CNKSR2: variants seen among roughly 807,000 people sequenced by gnomAD.
The protein encoded by CNKSR2 is connector enhancer of kinase suppressor of Ras 2.
A neutral mutation model predicts 84.4 loss-of-function variants in CNKSR2; 14 were observed. That is an observed-to-expected ratio of 0.17 (90% CI 0.11 to 0.26). The LOEUF (loss-of-function observed/expected upper bound fraction) is 0.26. Among genes scored for constraint, CNKSR2 ranks in the 10% least tolerant of loss-of-function variants. CNKSR2 has a pLI of 1.00. For missense variants in CNKSR2, 485 were observed against 771.2 expected (o/e 0.63, Z 4.40); for synonymous variants, 275 against 277.9 (o/e 0.99, Z 0.10).
chrX:21,458,406 G>A (rs185522376), intron 4 of CNKSR2, among the ~76,000 whole-genome samples: 1 of 112,153 alleles, frequency 8.9e-6, no homozygotes, highest in Admixed American at 9.4e-5. Flanking sequence ...GTTGTCATCT[G>A]TCAGTAGTTA....
At chrX:21,383,012 A>G (rs1193775336) in intron 1 of CNKSR2, among the ~76,000 whole-genome samples, 4 of 111,850 alleles carry the variant, frequency 3.6e-5, no homozygotes, top group Non-Finnish European at 5.7e-5. Context: ...TTTTTCTAAT[A>G]AAGCCTGCCT....
At chrX:21,441,471 A>G (rs1275592342) in intron 4 of CNKSR2, 3 of 111,398 alleles carry the variant, frequency 2.7e-5, no homozygotes, top group East Asian at 5.6e-4. Context: ...ACTTTTCTCT[A>G]TTTTCCAAAT....
At chrX:21,493,684 A>G (rs1328738137) in intron 6 of CNKSR2, 2 of 111,763 alleles carry the variant, frequency 1.8e-5, no homozygotes, top group African/African-American at 3.2e-5. Flanking sequence ...GAGGTGAACA[A>G]TGAATCAGAT....
At chrX:21,589,418 A>C (rs1240927421) in intron 13 of CNKSR2, among the ~76,000 whole-genome samples, 1 of 112,301 alleles carries the variant, frequency 8.9e-6, no homozygotes, top group Non-Finnish European at 1.9e-5. Flanking sequence ...AGCAAAATCC[A>C]GTTGCCCCTT....
chrX:21,453,324 T>C (rs765812296), intron 4 of CNKSR2, among the ~76,000 whole-genome samples: 9 of 111,916 alleles, frequency 8.0e-5, no homozygotes, highest in Non-Finnish European at 1.5e-4. Flanking sequence ...CAATATATTT[T>C]ACTTCTCAAT....
chrX:21,557,115 G>T (rs1359219364), intron 11 of CNKSR2, among the ~76,000 whole-genome samples: 1 of 110,601 alleles, frequency 9.0e-6, no homozygotes, highest in African/African-American at 3.3e-5. Flanking sequence ...AGAGTGAGCA[G>T]TTAACTCTGC....
At chrX:21,473,752 T>G (rs1204443166) in intron 5 of CNKSR2, among the ~76,000 whole-genome samples, 1 of 87,994 alleles carries the variant, frequency 1.1e-5, no homozygotes, top group Non-Finnish European at 2.1e-5. Flanking sequence ...TTGGTTTTTT[T>G]TTTTTTTTTT....
intron 20 of CNKSR2, chrX:21,642,265 C>T (rs1176693232): frequency 1.6e-5 from 12 of 750,639 alleles, no homozygotes; most frequent in African/African-American, 2.3e-5. Flanking sequence ...TTTCTCATGC[C>T]AGGCTTTATT....
chrX:21,375,455 G>A (rs2089796650), intron 1 of CNKSR2, among the ~76,000 whole-genome samples: 1 of 112,113 alleles, frequency 8.9e-6, no homozygotes, highest in African/African-American at 3.2e-5. Context: ...CCCACATAAT[G>A]GGGTCAGGAC....
At chrX:21,473,395 C>T (rs1300613271) in intron 5 of CNKSR2, among the ~76,000 whole-genome samples, 1 of 111,674 alleles carries the variant, frequency 9.0e-6, no homozygotes, top group Non-Finnish European at 1.9e-5. Context: ...AAATAGTATA[C>T]AGTACCACTT....
chrX:21,550,971 G>C lies in CNKSR2; in HGVS notation c.1304-10500G>C, dbSNP rs146106250. Among the ~76,000 whole-genome samples, 347 of 107,415 alleles carry C rather than the reference G, an allele frequency of 3.2e-3. 5 individuals are homozygous for C. Among genetic ancestry groups the C allele is most frequent in the African/African-American group, 0.011 (320 of 29,259 alleles). The allele number at this position is 107,415 out of a possible 115,157, so 93.3% of individuals were successfully genotyped here. On this transcript the variant is annotated intron_variant, in intron 11 of 21. Transcript: ENST00000379510. ...GAATCACTTCAACCTGGGAAGCGGA[G>C]ATTGCAGTGAGCCGAGACCGTTGCA... is the stretch of plus-strand genomic sequence containing the variant.
At chrX:21,390,043 T>C (rs772251452) in intron 1 of CNKSR2, among the ~76,000 whole-genome samples, 333 of 112,097 alleles carry the variant, frequency 3.0e-3, no homozygotes, top group Non-Finnish European at 5.2e-3. Flanking sequence ...CTAAACAATT[T>C]GCAATTAAAC....
chrX:21,454,171 A>G (rs779378248), intron 4 of CNKSR2, among the ~76,000 whole-genome samples: 2 of 111,753 alleles, frequency 1.8e-5, no homozygotes, highest in South Asian at 7.6e-4. Flanking sequence ...CCAGAGCCCA[A>G]TTAAGACATT....
At chrX:21,578,830 G>A (rs2092336598) in intron 13 of CNKSR2, among the ~76,000 whole-genome samples, 1 of 111,930 alleles carries the variant, frequency 8.9e-6, no homozygotes, top group Admixed American at 9.5e-5. Context: ...CAGTTGAGGA[G>A]CTGGCAAAGA....
At chrX:21,552,528 C>A (rs187891489) in intron 11 of CNKSR2, among the ~76,000 whole-genome samples, 1 of 111,809 alleles carries the variant, frequency 8.9e-6, no homozygotes, top group African/African-American at 3.2e-5. Context: ...ACCAATGATA[C>A]GATTTCTTTG....
intron 11 of CNKSR2, among the ~76,000 whole-genome samples, chrX:21,551,488 C>T (rs2092092017): frequency 8.9e-6 from 1 of 112,283 alleles, no homozygotes; most frequent in Non-Finnish European, 1.9e-5. Context: ...AAAAAAACCT[C>T]TTCAGATGAA....
At chrX:21,588,797 A>G (rs931553986) in intron 13 of CNKSR2, among the ~76,000 whole-genome samples, 5 of 111,836 alleles carry the variant, frequency 4.5e-5, no homozygotes, top group African/African-American at 1.3e-4. Context: ...TCTGTAATCT[A>G]TGTAGCTTTC....
At chrX:21,415,388 G>C (rs2090402575) in intron 1 of CNKSR2, among the ~76,000 whole-genome samples, 1 of 109,904 alleles carries the variant, frequency 9.1e-6, no homozygotes, top group African/African-American at 3.3e-5. Context: ...ACTGATTTTT[G>C]TGTGTTAATT....
intron 1 of CNKSR2, among the ~76,000 whole-genome samples, chrX:21,417,390 G>T (rs994396013): frequency 8.6e-4 from 96 of 111,795 alleles, no homozygotes; most frequent in African/African-American, 2.9e-3. Context: ...GTATTCTGCA[G>T]TCTTTGGATG....
Sources: gnomAD v4.1 joint callset for allele counts (sites outside exome capture counted in the v4.1 genomes callset) on GRCh38, gnomAD v4.1.1 for gene constraint, MANE v1.5 for transcripts, NCBI Gene and HGNC (gene_info 2026-07-23, HGNC 2026-07-21) for gene names.